NSRP1: variants seen among roughly 807,000 people sequenced by gnomAD.
The protein encoded by NSRP1 is nuclear speckle splicing regulatory protein 1, also known as coiled-coil domain containing 55.
In NSRP1, 24 loss-of-function variants were observed where a neutral mutation model predicts 54.7. The observed-to-expected ratio is 0.44, with a 90% CI of 0.32 to 0.62. NSRP1 has a LOEUF of 0.62. Among genes scored for constraint, NSRP1 ranks in the 20% least tolerant of loss-of-function variants. The probability of loss-of-function intolerance (pLI) is 0.06; values close to 1 mark genes in which losing one functional copy is unlikely to be tolerated. For missense variants in NSRP1, 596 were observed against 651.2 expected, an observed-to-expected ratio of 0.92 and a Z score of 0.92; for synonymous variants, 210 against 213.8, an observed-to-expected ratio of 0.98 and a Z score of 0.15.
At chr17:30,155,486 A>G (rs573988406) in intron 2 of NSRP1, among the ~76,000 whole-genome samples, 6 of 152,252 alleles carry the variant, frequency 3.9e-5, no homozygotes, top group Non-Finnish European at 8.8e-5. Flanking sequence ...TTTAGTTTAT[A>G]TGTCTTCCTC....
At chr17:30,164,549 C>A (rs576817698) in intron 2 of NSRP1, among the ~76,000 whole-genome samples, 1 of 152,246 alleles carries the variant, frequency 6.6e-6, no homozygotes, top group Admixed American at 6.5e-5. Context: ...ATAATCCCAG[C>A]ACTTTAGGAG....
Position 30,178,193 on chromosome 17 carries a change from C to T in NSRP1, c.294C>T (p.Asp98=). Residue 98 remains aspartate (D), a synonymous_variant, in exon 4 of 7, where the codon GAC becomes GAT. Transcript: ENST00000247026. ...ENNPKLLLGK[D]RKPKYIHNLL... is the part of the protein sequence containing the mutation. ...ATCCCAAATTGCTTTTGGGGAAAGA[C>T]AGAAAGGTTTGTAAGCTGAAATAAC... is the stretch of plus-strand genomic sequence containing the variant. 1 of 1,598,520 alleles carries T rather than the reference C, an allele frequency of 6.3e-7. No homozygotes were observed. The highest frequency in any genetic ancestry group is 8.5e-7 in the Non-Finnish European group (1 of 1,176,332).
intron 1 of NSRP1, 184 bp downstream of exon 1, chr17:30,117,047 G>T: frequency 1.2e-6 from 1 of 836,304 alleles, no homozygotes. Flanking sequence ...CCGGATGGAA[G>T]CCCGAAGTTT....
rs190913959 is a variant in NSRP1 at position 30,146,718 on chromosome 17, C to T, written c.115-25824C>T. The stretch of plus-strand genomic sequence containing the variant: ...TGGCGCAATCTTGGCTCACTGCCAC[C>T]TCTGCCTCCCGAGTAGCTGGGATTT... On this transcript the variant is annotated intron_variant, in intron 2 of 6. Transcript: ENST00000247026. Among the ~76,000 whole-genome samples the T allele has an allele frequency of 1.0e-3, 153 of 152,360 alleles. 2 individuals carry two copies. In the Middle Eastern group the frequency reaches 0.01, roughly 10 times the overall value.
chr17:30,128,978 G>T (rs187828591), intron 2 of NSRP1, among the ~76,000 whole-genome samples: 66 of 147,158 alleles, frequency 4.5e-4, no homozygotes, highest in African/African-American at 1.6e-3. Context: ...GGCTCATTTT[G>T]AACTCCAGGC....
chr17:30,145,151 TA>T (rs1356306515), intron 2 of NSRP1, among the ~76,000 whole-genome samples: 3 of 152,232 alleles, frequency 2.0e-5, no homozygotes, highest in African/African-American at 7.2e-5. Context: ...ACACTTAAGT[TA>T]CCTTCAGTTC....
Position 30,154,320 on chromosome 17 carries a change from CA to C in NSRP1, c.115-18210del, listed in dbSNP as rs982213485. 3.5e-3 allele frequency: 465 copies of C among 134,150 alleles called. 3 individuals are homozygous for C. The highest frequency in any genetic ancestry group is 7.6e-3 in the African/African-American group (278 of 36,346). The allele number at this position is 134,150 out of a possible 1,614,324, so 8.3% of individuals were successfully genotyped here. A position where few individuals can be genotyped will look rare whatever the true frequency, so the allele number is the denominator to read the frequency against. Reference sequence around the variant, plus strand: ...TGGGCAACACAGTGAGACCCTGTCTCAAAAAAAAAAAAGATATATTAAGTTT... The same window carrying C: ...TGGGCAACACAGTGAGACCCTGTCTCAAAAAAAAAAAGATATATTAAGTTT... On this transcript the variant is annotated intron_variant, in intron 2 of 6. Transcript: ENST00000247026.
At chr17:30,152,925 T>C (rs1356947916) in intron 2 of NSRP1, among the ~76,000 whole-genome samples, 4 of 145,448 alleles carry the variant, frequency 2.8e-5, no homozygotes, top group Non-Finnish European at 6.0e-5. Flanking sequence ...TTTTTTTTTT[T>C]TGAGACAGAG....
rs1056250584 is a variant in NSRP1, at chr17:30,145,498, G to C, written c.115-27044G>C. ...CTTGGGAGACTGAGGCAGGAGAATC[G>C]CTTGAATCCGGGAGGTGGAGGTTGC... On this transcript the variant is annotated intron_variant, in intron 2 of 6. Transcript: ENST00000247026. Among the ~76,000 whole-genome samples the C allele has an allele frequency of 2.6e-5, 4 of 152,166 alleles. No homozygotes were observed. In the East Asian group the frequency reaches 7.7e-4, roughly 29 times the overall value.
intron 2 of NSRP1, among the ~76,000 whole-genome samples, chr17:30,132,054 C>G (rs1018738022): frequency 4.6e-5 from 7 of 151,934 alleles, no homozygotes; most frequent in African/African-American, 1.7e-4. Context: ...CAAGACCATC[C>G]TGGCTAACAT....
chr17:30,167,618 A>G (rs1045746412), intron 2 of NSRP1, among the ~76,000 whole-genome samples: 2 of 152,132 alleles, frequency 1.3e-5, no homozygotes, highest in Admixed American at 1.3e-4. Context: ...TAAAAAAAAA[A>G]ATAAGATCTT....
chr17:30,149,847 AAAAAAAAT>A (rs2071889707), intron 2 of NSRP1, among the ~76,000 whole-genome samples: 2 of 151,606 alleles, frequency 1.3e-5, no homozygotes, highest in African/African-American at 4.9e-5. Flanking sequence ...AAAAAAAAAA[AAAAAAAAT>A]ACCAAAAGCT....
intron 2 of NSRP1, among the ~76,000 whole-genome samples, chr17:30,171,972 A>ACACTCACTCTCTCTCT (rs1169988659): frequency 2.1e-5 from 1 of 46,586 alleles, no homozygotes; most frequent in Non-Finnish European, 5.3e-5. Context: ...ACACACACAC[A>ACACTCACTCTCTCTCT]CTCCCTCTCT....
chr17:30,121,210 G>A (rs1248257095), intron 2 of NSRP1, among the ~76,000 whole-genome samples: 3 of 151,902 alleles, frequency 2.0e-5, no homozygotes, highest in East Asian at 1.9e-4. Flanking sequence ...TGAGTAATTC[G>A]GTGATATCAT....
At position 30,117,603 on chromosome 17, in the gene NSRP1, T is replaced by G. The variant is rs570681831; in HGVS notation, c.21-477T>G. The G allele has an allele frequency of 1.4e-5, 5 of 358,858 alleles. No individual in the cohort carries two copies. The Admixed American group carries it at 2.2e-4, about 16-fold the overall frequency. The allele number at this position is 358,858 out of a possible 1,614,324, so 22.2% of individuals were successfully genotyped here. ...GGTTTCTCAGTTATCTTTTAAAAAT[T>G]TTCGTGAGTTACACTATCCAGTCAG... On this transcript the variant is annotated intron_variant, in intron 1 of 6. Coordinates refer to ENST00000247026, the MANE Select transcript of NSRP1 (RefSeq NM_032141.4).
intron 6 of NSRP1, among the ~76,000 whole-genome samples, chr17:30,181,597 G>GTTTTTTT (rs35525133): frequency 2.2e-5 from 3 of 135,372 alleles, no homozygotes; most frequent in Non-Finnish European, 4.7e-5. Context: ...TGTGTGTGTG[G>GTTTTTTT]TTTTTTTTTT....
At chr17:30,184,379 G>A (rs999076412) in intron 6 of NSRP1, among the ~76,000 whole-genome samples, 1 of 152,076 alleles carries the variant, frequency 6.6e-6, no homozygotes. Flanking sequence ...AGTAGACAAG[G>A]GCTAATTTTC....
intron 2 of NSRP1, among the ~76,000 whole-genome samples, chr17:30,151,226 G>T (rs779390529): frequency 6.6e-5 from 10 of 152,052 alleles, no homozygotes; most frequent in Non-Finnish European, 1.5e-4. Flanking sequence ...TTGTTGAATT[G>T]TAGGAATTCT....
Position 30,184,941 on chromosome 17 carries a change from A to G in NSRP1, c.944A>G (p.Lys315Arg). 1 of 1,614,174 alleles carries G rather than the reference A, an allele frequency of 6.2e-7. No homozygotes were observed. Among genetic ancestry groups the G allele is most frequent in the Non-Finnish European group, 8.5e-7 (1 of 1,180,034 alleles). Reference sequence around the variant, plus strand: ...TCACGAACGTCGAGAGGACATGAGAAAAGGGAAGATCAGCACCAGCAGAAG... The same window carrying G: ...TCACGAACGTCGAGAGGACATGAGAGAAGGGAAGATCAGCACCAGCAGAAG... The part of the protein sequence containing the change: ...KGSRTSRGHE[K>R]REDQHQQKQS... The change falls in exon 7 of 7, where the codon AAA becomes AGA. Residue 315 changes from lysine to arginine, a missense_variant. Coordinates refer to ENST00000247026, the MANE Select transcript of NSRP1 (RefSeq NM_032141.4).
Sources: gnomAD v4.1 joint callset for allele counts (sites outside exome capture counted in the v4.1 genomes callset) on GRCh38, gnomAD v4.1.1 for gene constraint, MANE v1.5 for transcripts, NCBI Gene and HGNC (gene_info 2026-07-23, HGNC 2026-07-21) for gene names.